The following A2ML1 variants were observed in gnomAD, a reference collection of about 807,000 sequenced individuals.
A2ML1 encodes alpha-2-macroglobulin-like protein 1.
In A2ML1, 161 loss-of-function variants were observed where a neutral mutation model predicts 181.9. The observed-to-expected ratio is 0.89, with a 90% confidence interval of 0.78 to 1.01. The LOEUF (loss-of-function observed/expected upper bound fraction) is 1.01. A2ML1 is among the 50% of genes least tolerant of loss of function. The probability of loss-of-function intolerance (pLI) is 0.00; values close to 1 mark genes in which losing one functional copy is unlikely to be tolerated. For missense variants in A2ML1, 1,670 were observed against 1,768.1 expected, an observed-to-expected ratio of 0.94 and a Z score of 1.00; for synonymous variants, 663 against 666.8, an observed-to-expected ratio of 0.99 and a Z score of 0.09.
chr12:8,857,265 G>GA lies in A2ML1; in HGVS notation c.2950_2951insA (p.Val984AspfsTer72). The GA allele has an allele frequency of 6.2e-7, 1 of 1,613,802 alleles. No homozygotes were observed. The highest frequency in any genetic ancestry group is 1.3e-5 in the African/African-American group (1 of 75,008). ...GGTCTTGTTTGCTCCCATCATCTATGTCTTGCAGTACCTGGAGAAGGCAGG... is the reference window on the plus strand; with the variant it reads ...GGTCTTGTTTGCTCCCATCATCTATGATCTTGCAGTACCTGGAGAAGGCAGG... On this transcript the variant is annotated frameshift_variant, in exon 24 of 36. Coordinates refer to ENST00000299698, the MANE Select transcript of A2ML1 (RefSeq NM_144670.6). LOFTEE classifies it high-confidence loss of function.
chr12:8,841,038 A>G (rs1227869173), intron 10 of A2ML1, among the ~76,000 whole-genome samples: 5 of 72,074 alleles, frequency 6.9e-5, no homozygotes, highest in African/African-American at 1.6e-4. Context: ...AAGGAAGGAA[A>G]GAAAAAAGAA....
In A2ML1 at chr12:8,839,174, T is replaced by C; in HGVS notation, c.1032T>C (p.Phe344=). ...CTCCACAAATGGGATCAATGACCTT[T>C]GAAGACACCAGCAATTTTTACCATC... ...YISPQMGSMT[F]EDTSNFYHPN... The change falls in exon 10 of 36, where the codon TTT becomes TTC. Residue 344 remains phenylalanine, a synonymous_variant. Transcript: ENST00000299698. 6.2e-7 allele frequency: 1 copy of C among 1,613,782 alleles called. No homozygotes were observed. The highest frequency in any genetic ancestry group is 8.5e-7 in the Non-Finnish European group (1 of 1,179,758).
chr12:8,848,233 A>C (rs1218275267), intron 15 of A2ML1, among the ~76,000 whole-genome samples: 1 of 150,860 alleles, frequency 6.6e-6, no homozygotes, highest in Non-Finnish European at 1.5e-5. Flanking sequence ...GTAATCCCAG[A>C]ACTTTAGGAG....
At chr12:8,873,240 C>G (rs886187179) in intron 33 of A2ML1, among the ~76,000 whole-genome samples, 1 of 142,522 alleles carries the variant, frequency 7.0e-6, no homozygotes, top group African/African-American at 2.8e-5. Flanking sequence ...ATTTATAATA[C>G]GATTTTTTTT....
chr12:8,841,082 T>C (rs990485622), intron 10 of A2ML1, among the ~76,000 whole-genome samples: 1 of 151,986 alleles, frequency 6.6e-6, no homozygotes, highest in Non-Finnish European at 1.5e-5. Context: ...TGAAGGAGCC[T>C]GTGCATATGA....
chr12:8,843,634 C>A (rs191477365), intron 12 of A2ML1, among the ~76,000 whole-genome samples: 3 of 151,840 alleles, frequency 2.0e-5, no homozygotes, highest in African/African-American at 7.2e-5. Context: ...TCAACGGTGT[C>A]TTTGAAACTC....
chr12:8,848,745 A>T lies in A2ML1; in HGVS notation c.1859A>T (p.Tyr620Phe), dbSNP rs1374488943. The change falls in exon 16 of 36, where the codon TAT becomes TTT. Residue 620 changes from tyrosine (Y) to phenylalanine (F), a missense_variant. Tyr to Phe is a conservative substitution (Grantham distance 22). Coordinates refer to ENST00000299698, the MANE Select transcript of A2ML1 (RefSeq NM_144670.6). ...GTCTATGGGATGTTTCCATTCTGGT[A>T]TGGTCACTACCCCTATCAAGTGGCT... ...RSVYGMFPFW[Y>F]GHYPYQVAEY... 6.8e-6 allele frequency: 11 copies of T among 1,611,354 alleles called. No homozygotes were observed. In the East Asian group the frequency reaches 2.5e-4, roughly 36 times the overall value.
At chr12:8,835,770 T>C (rs1487256153) in intron 6 of A2ML1, 104 bp downstream of exon 6, 1 of 1,471,370 alleles carries the variant, frequency 6.8e-7, no homozygotes, top group Non-Finnish European at 9.2e-7. Flanking sequence ...TCCCAGGACT[T>C]TGGGAGGCCG....
intron 4 of A2ML1, among the ~76,000 whole-genome samples, chr12:8,833,062 C>G (rs368194016): frequency 6.6e-6 from 1 of 151,778 alleles, no homozygotes; most frequent in Non-Finnish European, 1.5e-5. Context: ...CAACCTCCCC[C>G]TCCTGGGTTC....
At position 8,845,472 on chromosome 12, in the gene A2ML1, G is replaced by A; in HGVS notation, c.1507G>A (p.Gly503Arg). ...AGGGAAAGGAAGTTTGGTGATGGAG[G>A]GGCAGAAACACCTGAACTCTAAGAA... ...LIGKGSLVME[G>R]QKHLNSKKKG... The change falls in exon 13 of 36, where the codon GGG becomes AGG. Residue 503 changes from glycine to arginine, a missense_variant. By Grantham distance (125) the Gly-to-Arg change is moderately radical. Transcript: ENST00000299698. The A allele has an allele frequency of 1.9e-6, 3 of 1,614,060 alleles. No individual in the cohort carries two copies. The highest frequency in any genetic ancestry group is 2.5e-6 in the Non-Finnish European group (3 of 1,180,000).
intron 4 of A2ML1, among the ~76,000 whole-genome samples, chr12:8,833,660 T>C (rs898026688): frequency 6.6e-6 from 1 of 152,178 alleles, no homozygotes; most frequent in Non-Finnish European, 1.5e-5. Flanking sequence ...CCTCCCAAAG[T>C]GCTGGGATTA....
intron 28 of A2ML1, 129 bp from the exon 29 acceptor site, chr12:8,863,664 GA>G: frequency 1.2e-6 from 1 of 840,566 alleles, no homozygotes. Flanking sequence ...CTAAATCTAA[GA>G]AATTTTTTTT....
chr12:8,840,966 A>G (rs373856573), intron 10 of A2ML1, among the ~76,000 whole-genome samples: 184 of 110,108 alleles, frequency 1.7e-3, no homozygotes, highest in African/African-American at 7.1e-3. Context: ...AAGGAAGGAA[A>G]GAAGGAAGGA....
intron 12 of A2ML1, among the ~76,000 whole-genome samples, chr12:8,844,608 C>T (rs1943603508): frequency 1.3e-5 from 2 of 151,840 alleles, no homozygotes; most frequent in South Asian, 4.2e-4. Context: ...CTCGGAGCCT[C>T]TTTGTTCCGT....
chr12:8,861,892 T>C (rs1032508724), intron 28 of A2ML1, among the ~76,000 whole-genome samples: 2 of 152,034 alleles, frequency 1.3e-5, no homozygotes, highest in African/African-American at 4.8e-5. Flanking sequence ...CCCGAGTAGA[T>C]GGGATTACAG....
At chr12:8,886,674 G>A (rs1474372269) in exon 8 of A2ML1, 1 of 152,146 alleles carries the variant, frequency 6.6e-6, no homozygotes, top group Admixed American at 6.6e-5. Context: ...GCCCGCTCTG[G>A]ACTTTTGCCC....
At chr12:8,833,119 A>T (rs1242648662) in intron 4 of A2ML1, among the ~76,000 whole-genome samples, 1 of 151,890 alleles carries the variant, frequency 6.6e-6, no homozygotes, top group African/African-American at 2.4e-5. Flanking sequence ...GTTTACAGGA[A>T]TGTACCACCA....
At chr12:8,874,403 G>A in intron 33 of A2ML1, 22 bp from the exon 34 acceptor site, 1 of 1,564,980 alleles carries the variant, frequency 6.4e-7, no homozygotes, top group Non-Finnish European at 8.8e-7. Flanking sequence ...CTAAGGTACT[G>A]TTTCATCTGT....
In A2ML1 at chr12:8,822,642, A is replaced by G; in HGVS notation, c.-10A>G. Reference sequence around the variant, plus strand: ...CCCTGACCCTGGAAAAATCTGTCTCACCCACAAAGATGTGGGCTCAGCTCC... The same window carrying G: ...CCCTGACCCTGGAAAAATCTGTCTCGCCCACAAAGATGTGGGCTCAGCTCC... On this transcript the variant is annotated 5_prime_UTR_variant, in exon 1 of 36. Coordinates refer to ENST00000299698, the MANE Select transcript of A2ML1 (RefSeq NM_144670.6). 1 of 1,613,400 alleles carries G rather than the reference A, an allele frequency of 6.2e-7. No homozygotes were observed. Among genetic ancestry groups the G allele is most frequent in the Non-Finnish European group, 8.5e-7 (1 of 1,179,438 alleles).
Sources: gnomAD v4.1 joint callset for allele counts (sites outside exome capture counted in the v4.1 genomes callset) on GRCh38, gnomAD v4.1.1 for gene constraint, MANE v1.5 for transcripts, NCBI Gene and HGNC (gene_info 2026-07-23, HGNC 2026-07-21) for gene names.